CSMD1: variants seen among roughly 807,000 people sequenced by gnomAD.
The protein encoded by CSMD1 is CUB and Sushi multiple domains 1, also known as CUB and sushi domain-containing protein 1.
In CSMD1, 213 loss-of-function variants were observed where a neutral mutation model predicts 417.5. The observed-to-expected ratio is 0.51, with a 90% CI of 0.46 to 0.57. CSMD1 has a LOEUF of 0.57. Among genes scored for constraint, CSMD1 ranks in the 20% least tolerant of loss-of-function variants. The pLI is 0.00. For missense variants in CSMD1, 6,923 were observed against 4,529.7 expected, an observed-to-expected ratio of 1.53 and a Z score of -15.17; for synonymous variants, 2,862 against 1,736.8, an observed-to-expected ratio of 1.65 and a Z score of -16.11.
chr8:4,327,020 C>G (rs575419282), intron 3 of CSMD1, among the ~76,000 whole-genome samples: 1 of 152,134 alleles, frequency 6.6e-6, no homozygotes, highest in South Asian at 2.1e-4. Context: ...AGAACCAGAC[C>G]ACAGAAGGTC....
chr8:4,561,289 G>C (rs549922940), intron 2 of CSMD1, among the ~76,000 whole-genome samples: 1 of 152,140 alleles, frequency 6.6e-6, no homozygotes, highest in Non-Finnish European at 1.5e-5. Context: ...CAGGGGAATC[G>C]TTTGAACTCA....
chr8:4,696,244 C>A (rs1324515038), intron 1 of CSMD1, among the ~76,000 whole-genome samples: 3 of 152,140 alleles, frequency 2.0e-5, no homozygotes, highest in Non-Finnish European at 4.4e-5. Flanking sequence ...ATGATAGATA[C>A]ACATAAGAAT....
chr8:3,588,350 G>GAA (rs1255469371), intron 8 of CSMD1, among the ~76,000 whole-genome samples: 2 of 152,094 alleles, frequency 1.3e-5, no homozygotes, highest in East Asian at 3.9e-4. Context: ...GCACCATGAA[G>GAA]AAAATAAATA....
At chr8:4,681,639 T>C (rs1349737041) in intron 1 of CSMD1, among the ~76,000 whole-genome samples, 2 of 152,168 alleles carry the variant, frequency 1.3e-5, no homozygotes, top group Non-Finnish European at 2.9e-5. Flanking sequence ...ATGTGCTTGG[T>C]TGCTGGCACG....
intron 3 of CSMD1, among the ~76,000 whole-genome samples, chr8:4,402,275 A>G (rs997480223): frequency 1.2e-4 from 19 of 152,040 alleles, no homozygotes; most frequent in African/African-American, 4.3e-4. Flanking sequence ...TCCAATTATC[A>G]TTCCCCACGG....
chr8:3,910,462 T>C (rs1297193315), intron 5 of CSMD1, among the ~76,000 whole-genome samples: 1 of 152,212 alleles, frequency 6.6e-6, no homozygotes, highest in Non-Finnish European at 1.5e-5. Flanking sequence ...GTTCAGGTTT[T>C]ATTTTGTTCA....
chr8:3,448,676 C>T (rs1815492721), intron 12 of CSMD1, among the ~76,000 whole-genome samples: 1 of 152,036 alleles, frequency 6.6e-6, no homozygotes, highest in Admixed American at 6.6e-5. Context: ...GTGGGCATGA[C>T]CCATGACCTT....
In CSMD1 at chr8:3,399,783, T is replaced by C. The variant is rs190398759; in HGVS notation, c.2267-254A>G. Among the ~76,000 whole-genome samples, 10 of 152,364 alleles carry C rather than the reference T, an allele frequency of 6.6e-5. No homozygotes were observed. The East Asian group carries it at 1.7e-3, about 26-fold the overall frequency. ...AATGGTAATGTATACGTGAGTTCTC[T>C]GTGCTAACTGAATTATCTCATTTAA... On this transcript the variant is annotated intron_variant, in intron 15 of 69. Coordinates refer to ENST00000635120, the MANE Select transcript of CSMD1 (RefSeq NM_033225.6).
At chr8:4,295,805 G>C (rs1797651118) in intron 3 of CSMD1, among the ~76,000 whole-genome samples, 3 of 138,102 alleles carry the variant, frequency 2.2e-5, no homozygotes, top group Non-Finnish European at 1.5e-5. Context: ...CACATCTTGA[G>C]AGAAAATTTA....
At chr8:4,590,342 A>C (rs1442847999) in intron 2 of CSMD1, among the ~76,000 whole-genome samples, 1 of 152,166 alleles carries the variant, frequency 6.6e-6, no homozygotes. Flanking sequence ...TCACATCCAG[A>C]ATACATTAAA....
rs184706041 is a variant in CSMD1, at chr8:3,265,402, G to A, written c.4153+18742C>T. 1.3e-3 allele frequency among the ~76,000 whole-genome samples: 202 copies of A among 152,270 alleles called. 2 individuals carry two copies. The highest frequency in any genetic ancestry group is 0.013 in the Admixed American group (196 of 15,294). ...ATTTCTATGAATCTTGTGAAGGGGG[G>A]AGTGTAAGAATCATATTAAATGGGT... is the stretch of plus-strand genomic sequence containing the variant. On this transcript the variant is annotated intron_variant, in intron 26 of 69. Transcript: ENST00000635120.
intron 1 of CSMD1, chr8:4,787,270 C>T (rs960065571): frequency 2.3e-5 from 14 of 605,052 alleles, no homozygotes; most frequent in Admixed American, 1.7e-4. Flanking sequence ...CTGATCACCC[C>T]TCTTTTCTAG....
chr8:4,504,580 G>C (rs555856914), intron 2 of CSMD1, among the ~76,000 whole-genome samples: 51 of 152,190 alleles, frequency 3.4e-4, no homozygotes, highest in Non-Finnish European at 5.9e-4. Context: ...CCATCATCTA[G>C]GTTTTAAGCC....
At chr8:4,553,293 T>A (rs1205939088) in intron 2 of CSMD1, among the ~76,000 whole-genome samples, 1 of 152,192 alleles carries the variant, frequency 6.6e-6, no homozygotes, top group Non-Finnish European at 1.5e-5. Context: ...AGACTAAGAT[T>A]TCATATATCA....
intron 1 of CSMD1, among the ~76,000 whole-genome samples, chr8:4,837,001 AG>A (rs1288941898): frequency 6.6e-6 from 1 of 152,108 alleles, no homozygotes; most frequent in African/African-American, 2.4e-5. Context: ...GAGACCACCC[AG>A]AAGACAGGGC....
At chr8:3,270,244 GATGGGGTATCACC>G in intron 26 of CSMD1, among the ~76,000 whole-genome samples, 1 of 152,038 alleles carries the variant, frequency 6.6e-6, no homozygotes, top group East Asian at 1.9e-4. Context: ...TTTTAGTAGA[GATGGGGTATCACC>G]ATGTTGGCCA....
chr8:3,779,192 G>C (rs918469831), intron 5 of CSMD1, among the ~76,000 whole-genome samples: 2 of 150,686 alleles, frequency 1.3e-5, no homozygotes, highest in African/African-American at 2.4e-5. Flanking sequence ...TGTATGTGCA[G>C]TATTTGAGAG....
At chr8:4,005,143 G>C (rs1816007540) in intron 4 of CSMD1, among the ~76,000 whole-genome samples, 1 of 152,308 alleles carries the variant, frequency 6.6e-6, no homozygotes, top group East Asian at 1.9e-4. Context: ...GGGGGGAAGA[G>C]TGGGAGTGGG....
intron 2 of CSMD1, among the ~76,000 whole-genome samples, chr8:4,626,238 T>C (rs1802103228): frequency 6.6e-6 from 1 of 152,102 alleles, no homozygotes; most frequent in Admixed American, 6.6e-5. Context: ...CATGAAGCAA[T>C]CCCTTGTGTT....
Sources: gnomAD v4.1 joint callset for allele counts (sites outside exome capture counted in the v4.1 genomes callset) on GRCh38, gnomAD v4.1.1 for gene constraint, MANE v1.5 for transcripts, NCBI Gene and HGNC (gene_info 2026-07-23, HGNC 2026-07-21) for gene names.